EYS: variants seen among roughly 807,000 people sequenced by gnomAD.
EYS encodes protein eyes shut homolog.
A neutral mutation model predicts 282.1 loss-of-function variants in EYS; 250 were observed. The observed-to-expected ratio is 0.89, with a 90% CI of 0.80 to 0.98. The LOEUF (loss-of-function observed/expected upper bound fraction) is 0.98, where lower values mean the gene tolerates loss of function less well. Among genes scored for constraint, EYS ranks in the 50% least tolerant of loss-of-function variants. EYS has a pLI of 0.00. For synonymous variants in EYS, 1,355 were observed against 1,282.9 expected (o/e 1.06, Z -1.20); for missense variants, 4,016 against 3,709.0 (o/e 1.08, Z -2.15).
In EYS at chr6:64,591,504, T is replaced by C. The variant is rs183144150; in HGVS notation, c.4363A>G (p.Ile1455Val). The C allele has an allele frequency of 1.5e-4, 227 of 1,551,326 alleles. 1 individual carries two copies. The East Asian group carries it at 1.5e-3, about 11-fold the overall frequency. Residue 1455 changes from isoleucine to valine, a missense_variant, in exon 26 of 43, where the codon ATA becomes GTA. By Grantham distance (29) the Ile-to-Val change is conservative. Transcript: ENST00000503581. ...CTAGAGACAACTGGAGTTGCACTTA[T>C]GGAGGCAGCTATAAGCAGGAATCCA... ...SRGFLLIAAS[I>V]SATPVVSRGA...
At chr6:64,455,667 A>T (rs190088909) in intron 26 of EYS, among the ~76,000 whole-genome samples, 17 of 151,756 alleles carry the variant, frequency 1.1e-4, no homozygotes, top group African/African-American at 4.1e-4. Flanking sequence ...ATGTGTTCTC[A>T]TTTTTCAAAT....
In EYS at chr6:65,298,307, A is replaced by G. The variant is rs115523424; in HGVS notation, c.1767-2188T>C. Among the ~76,000 whole-genome samples, 725 of 152,132 alleles carry G rather than the reference A, an allele frequency of 4.8e-3. 5 individuals are homozygous for G. Among genetic ancestry groups the G allele is most frequent in the African/African-American group, 0.016 (665 of 41,552 alleles). On this transcript the variant is annotated intron_variant, in intron 11 of 42. Transcript: ENST00000503581. ...TAATTGAAAGAGAGTTTGCCAGTTA[A>G]CTATTAGGATCTTGCTGAAGTCTCT...
At chr6:64,186,079 G>C (rs566865481) in intron 31 of EYS, among the ~76,000 whole-genome samples, 6 of 152,178 alleles carry the variant, frequency 3.9e-5, no homozygotes, top group Non-Finnish European at 8.8e-5. Context: ...GTAGATGTTG[G>C]GTTATTACGA....
At chr6:65,152,105 T>G (rs1764624801) in intron 12 of EYS, among the ~76,000 whole-genome samples, 1 of 152,010 alleles carries the variant, frequency 6.6e-6, no homozygotes, top group African/African-American at 2.4e-5. Flanking sequence ...CTAATGTTGT[T>G]CTTCATAGTT....
intron 36 of EYS, among the ~76,000 whole-genome samples, chr6:63,833,220 A>G (rs1000690848): frequency 6.6e-6 from 1 of 152,196 alleles, no homozygotes; most frequent in Admixed American, 6.5e-5. Context: ...TGGCCAGGGC[A>G]ATCAAGCAAG....
intron 31 of EYS, among the ~76,000 whole-genome samples, chr6:64,147,232 T>A (rs764875046): frequency 6.6e-6 from 1 of 152,104 alleles, no homozygotes; most frequent in South Asian, 2.1e-4. Context: ...GAAAAGGAGA[T>A]GGTAGAAAAG....
intron 12 of EYS, among the ~76,000 whole-genome samples, chr6:65,247,157 G>A (rs373225087): frequency 1.6e-4 from 24 of 152,076 alleles, no homozygotes; most frequent in East Asian, 1.4e-3. Context: ...AAGCTGTATC[G>A]GTCCATGATA....
intron 28 of EYS, among the ~76,000 whole-genome samples, chr6:64,404,645 G>GA (rs1232278334): frequency 6.6e-6 from 1 of 152,140 alleles, no homozygotes; most frequent in Non-Finnish European, 1.5e-5. Flanking sequence ...AATCTCAAGG[G>GA]AGAGGACAAT....
intron 35 of EYS, among the ~76,000 whole-genome samples, chr6:63,929,879 C>G (rs1386795773): frequency 6.6e-6 from 1 of 152,122 alleles, no homozygotes; most frequent in East Asian, 1.9e-4. Flanking sequence ...GAGTTTAGTT[C>G]ATTTAAACTA....
intron 2 of EYS, among the ~76,000 whole-genome samples, chr6:65,510,631 ATTCT>A (rs779647224): frequency 6.6e-6 from 1 of 152,082 alleles, no homozygotes; most frequent in Non-Finnish European, 1.5e-5. Context: ...GTCCATTATT[ATTCT>A]TACTTCAAAT....
intron 31 of EYS, among the ~76,000 whole-genome samples, chr6:64,180,449 G>A (rs114617896): frequency 0.016 from 2,384 of 152,044 alleles, 20 homozygotes; most frequent in East Asian, 0.035. Flanking sequence ...TTTTATTTAG[G>A]CTTGTGGATG....
intron 9 of EYS, among the ~76,000 whole-genome samples, chr6:65,348,881 G>C (rs919745445): frequency 2.0e-5 from 3 of 151,572 alleles, no homozygotes; most frequent in Non-Finnish European, 4.4e-5. Context: ...ATTTTGATTT[G>C]CTTTTTGTAT....
At chr6:64,995,643 A>C (rs1317629922) in intron 14 of EYS, among the ~76,000 whole-genome samples, 1 of 152,148 alleles carries the variant, frequency 6.6e-6, no homozygotes, top group African/African-American at 2.4e-5. Context: ...TAGTCTCCTT[A>C]TGTTAAAATA....
chr6:64,487,994 T>C (rs1437815099), intron 26 of EYS, among the ~76,000 whole-genome samples: 1 of 151,038 alleles, frequency 6.6e-6, no homozygotes, highest in African/African-American at 2.4e-5. Flanking sequence ...AACCACTGGA[T>C]GGCAACATGA....
intron 12 of EYS, among the ~76,000 whole-genome samples, chr6:65,286,928 A>G (rs946063577): frequency 6.6e-6 from 1 of 151,508 alleles, no homozygotes; most frequent in Admixed American, 6.6e-5. Context: ...GGATTCTTTT[A>G]ACTTCAATGG....
At chr6:65,690,017 G>A (rs1167143789) in intron 1 of EYS, among the ~76,000 whole-genome samples, 1 of 149,948 alleles carries the variant, frequency 6.7e-6, no homozygotes, top group Non-Finnish European at 1.5e-5. Flanking sequence ...GTAGGTTAGT[G>A]AGGGATTTAG....
intron 15 of EYS, among the ~76,000 whole-genome samples, chr6:64,935,534 C>T (rs1768878884): frequency 6.6e-6 from 1 of 151,438 alleles, no homozygotes; most frequent in Non-Finnish European, 1.5e-5. Context: ...AAATCTAAAA[C>T]TGGTACTTTC....
intron 31 of EYS, among the ~76,000 whole-genome samples, chr6:64,157,488 G>C (rs1774965922): frequency 6.6e-6 from 1 of 152,148 alleles, no homozygotes; most frequent in Non-Finnish European, 1.5e-5. Flanking sequence ...TGTCTCCAGG[G>C]CATGCCAGAA....
chr6:64,949,740 G>A (rs1769419428), intron 14 of EYS, among the ~76,000 whole-genome samples: 1 of 151,800 alleles, frequency 6.6e-6, no homozygotes, highest in Non-Finnish European at 1.5e-5. Flanking sequence ...GAATCTCGAG[G>A]ATCATCTTAA....
Sources: allele counts gnomAD v4.1 joint callset (sites outside exome capture counted in the v4.1 genomes callset), GRCh38; gene constraint gnomAD v4.1.1; transcripts MANE v1.5; gene names NCBI Gene and HGNC (gene_info 2026-07-23, HGNC 2026-07-21).